Variants in SETBP1 observed in about 807,000 individuals in gnomAD.
The protein encoded by SETBP1 is SET binding protein 1.
SETBP1 carries 9 observed loss-of-function variants against 101.0 expected under a neutral mutation model. The observed-to-expected ratio is 0.09, with a 90% CI of 0.05 to 0.16. The LOEUF is 0.16. Among genes scored for constraint, SETBP1 ranks in the 10% least tolerant of loss-of-function variants. SETBP1 has a pLI of 1.00. For synonymous variants in SETBP1, 818 were observed against 788.5 expected (o/e 1.04, Z -0.63); for missense variants, 1,858 against 2,033.8 (o/e 0.91, Z 1.66).
intron 2 of SETBP1, among the ~76,000 whole-genome samples, chr18:44,738,115 G>C (rs2070011681): frequency 6.6e-6 from 1 of 152,154 alleles, no homozygotes. Context: ...GGTGTTCTTT[G>C]TGACTTGCCC....
intron 2 of SETBP1, among the ~76,000 whole-genome samples, chr18:44,856,657 A>G (rs1054715095): frequency 1.3e-5 from 2 of 152,262 alleles, no homozygotes; most frequent in African/African-American, 4.8e-5. Flanking sequence ...TTGAAAGGGT[A>G]AATATTTAAA....
chr18:45,003,687 GAA>G (rs34433996), intron 4 of SETBP1, among the ~76,000 whole-genome samples: 2,224 of 135,576 alleles, frequency 0.016, 23 homozygotes, highest in Admixed American at 0.039. Flanking sequence ...AATGTCATGG[GAA>G]AAAAAAAAAA....
At chr18:44,869,453 C>T (rs1001881725) in intron 3 of SETBP1, 170 bp downstream of exon 3, 3 of 695,842 alleles carry the variant, frequency 4.3e-6, no homozygotes, top group Non-Finnish European at 7.9e-6. Flanking sequence ...TCCAGCTCCT[C>T]TCATTCTAGC....
chr18:44,811,696 A>G (rs1315070995), intron 2 of SETBP1, among the ~76,000 whole-genome samples: 2 of 152,218 alleles, frequency 1.3e-5, no homozygotes, highest in Non-Finnish European at 2.9e-5. Flanking sequence ...TTGAATGTCA[A>G]CATCTGCCTT....
At chr18:44,873,369 G>T (rs532190840) in intron 3 of SETBP1, among the ~76,000 whole-genome samples, 1 of 152,350 alleles carries the variant, frequency 6.6e-6, no homozygotes, top group African/African-American at 2.4e-5. Flanking sequence ...GGGCATTGAT[G>T]AGACAATGCA....
At chr18:44,900,392 A>G (rs911316380) in intron 3 of SETBP1, among the ~76,000 whole-genome samples, 3 of 152,220 alleles carry the variant, frequency 2.0e-5, no homozygotes, top group Non-Finnish European at 4.4e-5. Context: ...TTGACTGTTG[A>G]TCATTATAGT....
At chr18:44,959,909 G>A (rs893690991) in intron 4 of SETBP1, among the ~76,000 whole-genome samples, 12 of 152,144 alleles carry the variant, frequency 7.9e-5, no homozygotes, top group Admixed American at 6.5e-4. Flanking sequence ...CATGCATAGT[G>A]CAGTTTTTTT....
chr18:45,033,734 A>G (rs1024002796), intron 4 of SETBP1, among the ~76,000 whole-genome samples: 9 of 152,248 alleles, frequency 5.9e-5, no homozygotes, highest in South Asian at 2.1e-4. Context: ...CGGATGTTAC[A>G]AAATGAATTA....
intron 5 of SETBP1, among the ~76,000 whole-genome samples, chr18:45,049,430 T>G (rs1035488779): frequency 6.6e-6 from 1 of 152,110 alleles, no homozygotes; most frequent in Non-Finnish European, 1.5e-5. Flanking sequence ...TACACTCGTG[T>G]TTTGGTTGGC....
At chr18:44,958,673 A>C (rs559813296) in intron 4 of SETBP1, among the ~76,000 whole-genome samples, 1 of 152,234 alleles carries the variant, frequency 6.6e-6, no homozygotes, top group South Asian at 2.1e-4. Context: ...AGAGAGAGTG[A>C]ATACAAGAAA....
chr18:44,843,206 C>T (rs2072657500), intron 2 of SETBP1, among the ~76,000 whole-genome samples: 1 of 152,226 alleles, frequency 6.6e-6, no homozygotes, highest in Non-Finnish European at 1.5e-5. Context: ...GGCATGGCAC[C>T]TCTGGCTGCA....
chr18:44,813,444 C>G (rs913424061), intron 2 of SETBP1, among the ~76,000 whole-genome samples: 1 of 152,144 alleles, frequency 6.6e-6, no homozygotes, highest in African/African-American at 2.4e-5. Context: ...ATTGGCCTTG[C>G]AAGCTCTTGA....
chr18:44,813,928 G>GT (rs1190302330), intron 2 of SETBP1, among the ~76,000 whole-genome samples: 4 of 152,180 alleles, frequency 2.6e-5, no homozygotes, highest in African/African-American at 9.6e-5. Context: ...TGGAGGCCCT[G>GT]TCTGCCAGGT....
In SETBP1 at chr18:44,681,584, A is replaced by G. The variant is rs2068761411; in HGVS notation, c.-173+563A>G. Among the ~76,000 whole-genome samples, 4 of 115,406 alleles carry G rather than the reference A, an allele frequency of 3.5e-5. No individual in the cohort carries two copies. The South Asian group carries it at 1.3e-3, about 36-fold the overall frequency. The allele number at this position is 115,406 out of a possible 152,430, so 75.7% of individuals were successfully genotyped here. On this transcript the variant is annotated intron_variant, in intron 1 of 5. Transcript: ENST00000649279. ...CGCCCCCCCATCCAGACCGCTTACTACAAGTCTGAAATCGGATCCAACTGG... is the reference window on the plus strand; with the variant it reads ...CGCCCCCCCATCCAGACCGCTTACTGCAAGTCTGAAATCGGATCCAACTGG...
At chr18:44,907,872 C>T (rs1568211277) in intron 3 of SETBP1, among the ~76,000 whole-genome samples, 1 of 151,966 alleles carries the variant, frequency 6.6e-6, no homozygotes, top group Non-Finnish European at 1.5e-5. Context: ...TTTCTTGTTC[C>T]TCATGCTTTG....
At chr18:44,855,113 A>G (rs2144605907) in intron 2 of SETBP1, among the ~76,000 whole-genome samples, 1 of 152,142 alleles carries the variant, frequency 6.6e-6, no homozygotes, top group African/African-American at 2.4e-5. Flanking sequence ...AGCTTATTTA[A>G]AGCAGCATAT....
chr18:44,990,927 G>GAAAAAAA (rs996043221), intron 4 of SETBP1, among the ~76,000 whole-genome samples: 1 of 63,204 alleles, frequency 1.6e-5, no homozygotes, highest in Admixed American at 1.7e-4. Flanking sequence ...CAGAGAGAGA[G>GAAAAAAA]AAAAAAAAAA....
chr18:44,976,073 TACACACACACACACACACAC>T (rs57458132), intron 4 of SETBP1, among the ~76,000 whole-genome samples: 1 of 143,578 alleles, frequency 7.0e-6, no homozygotes, highest in Non-Finnish European at 1.5e-5. Context: ...TGGGGAGGGA[TACACACACACACACACACAC>T]ACACACACAC....
chr18:44,869,530 T>A, intron 3 of SETBP1: 2 of 438,902 alleles, frequency 4.6e-6, no homozygotes, highest in South Asian at 4.1e-5. Flanking sequence ...TATATAGAGA[T>A]CAAGATGCTC....
Sources: allele counts gnomAD v4.1 joint callset (sites outside exome capture counted in the v4.1 genomes callset), GRCh38; gene constraint gnomAD v4.1.1; transcripts MANE v1.5; gene names NCBI Gene and HGNC (gene_info 2026-07-23, HGNC 2026-07-21).